PCDHA7: variants seen among roughly 807,000 people sequenced by gnomAD.
The protein encoded by PCDHA7 is protocadherin alpha-7.
Under a neutral mutation model 57.2 loss-of-function variants are expected in PCDHA7, and 37 were observed. That is an observed-to-expected ratio of 0.65 (90% CI 0.50 to 0.85). The LOEUF is 0.85. Among genes scored for constraint, PCDHA7 ranks in the 40% least tolerant of loss-of-function variants. PCDHA7 has a pLI of 0.00. For missense variants in PCDHA7, 1,188 were observed against 1,241.8 expected, an observed-to-expected ratio of 0.96 and a Z score of 0.65; for synonymous variants, 553 against 558.8, an observed-to-expected ratio of 0.99 and a Z score of 0.15.
chr5:140,922,876 A>G (rs782530609), intron 1 of PCDHA7, among the ~76,000 whole-genome samples: 10 of 152,234 alleles, frequency 6.6e-5, no homozygotes, highest in Non-Finnish European at 1.3e-4. Flanking sequence ...GAAAAAATCC[A>G]AAGACATCAT....
intron 1 of PCDHA7, among the ~76,000 whole-genome samples, chr5:140,941,255 C>CTTTCTTTCTT (rs782490896): frequency 0.012 from 539 of 44,464 alleles, 5 homozygotes; most frequent in Middle Eastern, 0.036. Context: ...TTCTTTCTTT[C>CTTTCTTTCTT]TCTTTCTTTC....
chr5:140,964,747 G>C (rs1170890203), intron 1 of PCDHA7, among the ~76,000 whole-genome samples: 3 of 151,868 alleles, frequency 2.0e-5, no homozygotes, highest in Non-Finnish European at 4.4e-5. Context: ...AATTATTGTA[G>C]GGATGTTTGG....
rs551502223 is a variant in PCDHA7 at position 140,976,924 on chromosome 5, T to G, written c.2356-2025T>G. ...TGTAATAAAGTGCAAAATCTAGTAC[T>G]GTGTAGCTACTTAAAACATATTATA... is the stretch of plus-strand genomic sequence containing the variant. On this transcript the variant is annotated intron_variant, in intron 1 of 3. Coordinates refer to ENST00000525929, the MANE Select transcript of PCDHA7 (RefSeq NM_018910.3). 1.6e-4 allele frequency among the ~76,000 whole-genome samples: 25 copies of G among 152,364 alleles called. No homozygotes were observed. In the South Asian group the frequency reaches 5.2e-3, roughly 32 times the overall value.
intron 3 of PCDHA7, among the ~76,000 whole-genome samples, chr5:140,990,912 A>G (rs1415853627): frequency 1.3e-5 from 2 of 152,148 alleles, no homozygotes; most frequent in African/African-American, 4.8e-5. Context: ...CAAGTTTTAT[A>G]AGTCTTTAAA....
At chr5:140,859,226 A>G (rs190980812) in intron 1 of PCDHA7, 1 of 149,940 alleles carries the variant, frequency 6.7e-6, no homozygotes, top group East Asian at 1.9e-4. Flanking sequence ...ACTTTAAGGA[A>G]GGAGTCATGC....
chr5:140,848,364 G>C lies in PCDHA7; in HGVS notation c.2355+11626G>C, dbSNP rs916399183. On this transcript the variant is annotated intron_variant, in intron 1 of 3. Transcript: ENST00000525929. ...AATACAGCCCTTTTCCCATGGGAAA[G>C]AGGCTCAATTCTTTTTCACTCTCTC... 35 of 1,077,596 alleles carry C rather than the reference G, an allele frequency of 3.2e-5. 3 individuals are homozygous for C. Among genetic ancestry groups the C allele is most frequent in the African/African-American group, 4.7e-5 (3 of 63,656 alleles). 66.8% of individuals were successfully genotyped at this position (1,077,596 alleles called of 1,614,324 possible). A position where few individuals can be genotyped will look rare whatever the true frequency, so the allele number is the denominator to read the frequency against.
intron 1 of PCDHA7, among the ~76,000 whole-genome samples, chr5:140,944,059 T>C (rs190208662): frequency 6.6e-6 from 1 of 152,296 alleles, no homozygotes; most frequent in East Asian, 1.9e-4. Flanking sequence ...TACAAAAAGG[T>C]TTCTTGTTAA....
chr5:140,881,350 T>C, intron 1 of PCDHA7: 1 of 985,354 alleles, frequency 1.0e-6, no homozygotes, highest in Non-Finnish European at 1.2e-6. Flanking sequence ...CGGGCTACAA[T>C]GCGTGGCTTT....
intron 3 of PCDHA7, among the ~76,000 whole-genome samples, chr5:141,003,371 G>A (rs782012251): frequency 2.0e-5 from 3 of 152,148 alleles, no homozygotes; most frequent in African/African-American, 7.2e-5. Flanking sequence ...GAGTGCAGTG[G>A]TGCAATCTCA....
chr5:140,841,767 A>T, intron 1 of PCDHA7: 1 of 1,613,616 alleles, frequency 6.2e-7, no homozygotes, highest in Non-Finnish European at 8.5e-7. Context: ...AGAATGCCAG[A>T]CTCTCGGTTT....
chr5:140,879,126 G>T (rs2057860982), intron 1 of PCDHA7, among the ~76,000 whole-genome samples: 2 of 152,182 alleles, frequency 1.3e-5, no homozygotes, highest in Admixed American at 1.3e-4. Context: ...GATTAGAGCA[G>T]GGGAGATTGT....
At chr5:140,876,808 G>T in intron 1 of PCDHA7, 1 of 1,614,222 alleles carries the variant, frequency 6.2e-7, no homozygotes, top group Non-Finnish European at 8.5e-7. Flanking sequence ...CGTGGAGGTG[G>T]CCGACGTGAA....
rs140058365 is a variant in PCDHA7 at position 140,928,379 on chromosome 5, G to A, written c.2356-50570G>A. 5.7e-4 allele frequency: 913 copies of A among 1,614,172 alleles called. 5 individuals are homozygous for A. The African/African-American group carries it at 0.01, about 18-fold the overall frequency. On this transcript the variant is annotated intron_variant, in intron 1 of 3. Transcript: ENST00000525929. ...ATCTCTGAAGGGCCATCAGCCTCTA[G>A]CTTGCTGGCAGTGGAATCATCCAGT...
At chr5:140,925,938 T>C (rs1357099773) in intron 1 of PCDHA7, among the ~76,000 whole-genome samples, 1 of 138,492 alleles carries the variant, frequency 7.2e-6, no homozygotes, top group Non-Finnish European at 1.5e-5. Context: ...GTAGAGCCTC[T>C]TGGAGAAGGA....
At chr5:140,919,976 G>A (rs552658832) in intron 1 of PCDHA7, among the ~76,000 whole-genome samples, 1 of 134,018 alleles carries the variant, frequency 7.5e-6, no homozygotes, top group Non-Finnish European at 1.7e-5. Context: ...ATAAGAGATA[G>A]AAGATGGAAA....
chr5:140,960,553 C>T (rs2095555809), intron 1 of PCDHA7, among the ~76,000 whole-genome samples: 1 of 152,078 alleles, frequency 6.6e-6, no homozygotes, highest in Non-Finnish European at 1.5e-5. Context: ...TTCATATAGA[C>T]TGAGCTTAGG....
intron 1 of PCDHA7, chr5:140,860,741 A>G (rs1051390184): frequency 2.0e-5 from 3 of 152,018 alleles, no homozygotes; most frequent in Non-Finnish European, 2.9e-5. Context: ...TTTGTTTTTT[A>G]TTTTTTATTT....
chr5:140,967,810 C>T, intron 1 of PCDHA7: 1 of 1,614,176 alleles, frequency 6.2e-7, no homozygotes, highest in Non-Finnish European at 8.5e-7. Context: ...TGGCAGGTCA[C>T]TGCAAGGTGC....
At position 140,836,414 on chromosome 5, in the gene PCDHA7, G is replaced by A; in HGVS notation, c.2031G>A (p.Lys677=). 1.9e-6 allele frequency: 3 copies of A among 1,613,824 alleles called. No individual in the cohort carries two copies. The highest frequency in any genetic ancestry group is 1.7e-6 in the Non-Finnish European group (2 of 1,179,856). Residue 677 remains lysine (K), a synonymous_variant, in exon 1 of 4, where the codon AAG becomes AAA. Coordinates refer to ENST00000525929, the MANE Select transcript of PCDHA7 (RefSeq NM_018910.3). ...TGGTGGAAAGCGGCCAGGCACCAAAGGCGTCGTCGCGGGCATCGTTGGGCA... is the reference window on the plus strand; with the variant it reads ...TGGTGGAAAGCGGCCAGGCACCAAAAGCGTCGTCGCGGGCATCGTTGGGCA... The part of the protein sequence containing the change: ...VSLVESGQAP[K]ASSRASLGIA...
Sources: allele counts gnomAD v4.1 joint callset (sites outside exome capture counted in the v4.1 genomes callset), GRCh38; gene constraint gnomAD v4.1.1; transcripts MANE v1.5; gene names NCBI Gene and HGNC (gene_info 2026-07-23, HGNC 2026-07-21).